CACNB2: variants seen among roughly 807,000 people sequenced by gnomAD.
CACNB2 encodes the protein calcium voltage-gated channel auxiliary subunit beta 2, also known as voltage-dependent L-type calcium channel subunit beta-2.
Under a neutral mutation model 73.3 loss-of-function variants are expected in CACNB2, and 42 were observed. The observed-to-expected ratio is 0.57, with a 90% CI of 0.45 to 0.74. The LOEUF is 0.74. Ranked by LOEUF, CACNB2 falls within the 30% of genes least tolerant of loss-of-function variation. CACNB2 has a pLI of 0.00. For missense variants in CACNB2, 940 were observed against 853.0 expected (o/e 1.10, Z -1.27); for synonymous variants, 348 against 310.3 (o/e 1.12, Z -1.28).
intron 2 of CACNB2, among the ~76,000 whole-genome samples, chr10:18,197,785 A>G (rs200471416): frequency 6.6e-6 from 1 of 152,072 alleles, no homozygotes; most frequent in Non-Finnish European, 1.5e-5. Flanking sequence ...AGTCAGATCA[A>G]CGTCTCCTGG....
chr10:18,356,719 C>G (rs1259028255), intron 2 of CACNB2, among the ~76,000 whole-genome samples: 2 of 151,960 alleles, frequency 1.3e-5, no homozygotes, highest in African/African-American at 4.8e-5. Context: ...CAGCCTTGAC[C>G]TCGAGGGCTC....
intron 3 of CACNB2, among the ~76,000 whole-genome samples, chr10:18,483,034 A>C (rs1424124566): frequency 6.6e-6 from 1 of 152,170 alleles, no homozygotes; most frequent in African/African-American, 2.4e-5. Flanking sequence ...ACAATTGGTC[A>C]CTAAGCTTTC....
intron 2 of CACNB2, among the ~76,000 whole-genome samples, chr10:18,358,553 GCTCT>G (rs375264403): frequency 2.9e-5 from 1 of 35,044 alleles, no homozygotes. Flanking sequence ...TCTCTCTCTC[GCTCT>G]CTCTCTCTCT....
chr10:18,389,931 T>C (rs1304935899), intron 2 of CACNB2, among the ~76,000 whole-genome samples: 2 of 152,196 alleles, frequency 1.3e-5, no homozygotes, highest in Non-Finnish European at 2.9e-5. Flanking sequence ...CCTTTATTTA[T>C]ATCAATTCAT....
In CACNB2 at chr10:18,500,912, A is replaced by C; in HGVS notation, c.557A>C (p.His186Pro). The C allele has an allele frequency of 1.2e-6, 2 of 1,614,154 alleles. No homozygotes were observed. Among genetic ancestry groups the C allele is most frequent in the Non-Finnish European group, 1.7e-6 (2 of 1,179,998 alleles). ...AAACTAGAAAACATGAGGCTGCAGC[A>C]TGAACAGAGAGCCAAGCAAGGGAAA... Reference protein sequence around the residue: ...PVKLENMRLQHEQRAKQGKFY... With the variant: ...PVKLENMRLQPEQRAKQGKFY... The change falls in exon 5 of 14, where the codon CAT becomes CCT. Residue 186 changes from histidine (H) to proline (P), a missense_variant. Transcript: ENST00000324631.
chr10:18,296,494 A>T (rs1014482883), intron 2 of CACNB2, among the ~76,000 whole-genome samples: 2 of 151,926 alleles, frequency 1.3e-5, no homozygotes, highest in Admixed American at 1.3e-4. Flanking sequence ...ATATAGATAT[A>T]TTTTTTTTAA....
intron 3 of CACNB2, among the ~76,000 whole-genome samples, chr10:18,446,018 G>T (rs2046717136): frequency 6.6e-6 from 1 of 152,144 alleles, no homozygotes; most frequent in South Asian, 2.1e-4. Flanking sequence ...TGGGTGACCA[G>T]AGTGAAGCTC....
intron 2 of CACNB2, among the ~76,000 whole-genome samples, chr10:18,299,692 C>T (rs1212109418): frequency 6.6e-6 from 1 of 152,094 alleles, no homozygotes; most frequent in Non-Finnish European, 1.5e-5. Context: ...GACTGGGTGA[C>T]AGAGTCAGAC....
intron 2 of CACNB2, among the ~76,000 whole-genome samples, chr10:18,154,383 C>T (rs1053552264): frequency 3.3e-5 from 5 of 151,710 alleles, no homozygotes; most frequent in African/African-American, 7.2e-5. Flanking sequence ...TCTTTAGAAG[C>T]GCAGACACCC....
At chr10:18,268,854 A>G (rs2037925364) in intron 2 of CACNB2, among the ~76,000 whole-genome samples, 1 of 152,218 alleles carries the variant, frequency 6.6e-6, no homozygotes, top group South Asian at 2.1e-4. Flanking sequence ...AAAGTAATTC[A>G]TAAATGGAGG....
intron 2 of CACNB2, among the ~76,000 whole-genome samples, chr10:18,301,644 CTT>C (rs377033277): frequency 8.2e-4 from 118 of 143,636 alleles, no homozygotes; most frequent in Non-Finnish European, 8.5e-4. Context: ...GCCTTTCTCT[CTT>C]TTTTTTTTTT....
chr10:18,187,283 G>A (rs1000891996), intron 2 of CACNB2, among the ~76,000 whole-genome samples: 4 of 152,100 alleles, frequency 2.6e-5, no homozygotes, highest in Admixed American at 1.3e-4. Flanking sequence ...GGCACATTCT[G>A]TTATTGGAAT....
chr10:18,161,632 T>C (rs2032469122), intron 2 of CACNB2, among the ~76,000 whole-genome samples: 1 of 150,574 alleles, frequency 6.6e-6, no homozygotes, highest in Non-Finnish European at 1.5e-5. Flanking sequence ...CAAATCTCTT[T>C]TTTTTTTTTT....
chr10:18,399,522 G>A (rs2043883288), intron 2 of CACNB2, among the ~76,000 whole-genome samples: 1 of 151,984 alleles, frequency 6.6e-6, no homozygotes. Flanking sequence ...TGCCAGGTGG[G>A]GAGGGAGGAA....
At chr10:18,451,911 A>C (rs770010703) in intron 3 of CACNB2, among the ~76,000 whole-genome samples, 5 of 152,180 alleles carry the variant, frequency 3.3e-5, no homozygotes, top group Non-Finnish European at 5.9e-5. Context: ...TTGTCTTCAT[A>C]ATCTATTGTG....
intron 3 of CACNB2, among the ~76,000 whole-genome samples, chr10:18,487,728 G>A (rs764793103): frequency 3.9e-5 from 6 of 151,940 alleles, no homozygotes; most frequent in Non-Finnish European, 8.8e-5. Flanking sequence ...CCAGCTACTT[G>A]GGAGGCTGAG....
intron 2 of CACNB2, among the ~76,000 whole-genome samples, chr10:18,309,149 A>T (rs1035145039): frequency 1.3e-5 from 2 of 152,192 alleles, no homozygotes; most frequent in Non-Finnish European, 2.9e-5. Context: ...TAAAATATTG[A>T]ATGGTTATTT....
At chr10:18,249,726 G>A (rs2131547573) in intron 2 of CACNB2, among the ~76,000 whole-genome samples, 1 of 152,254 alleles carries the variant, frequency 6.6e-6, no homozygotes, top group South Asian at 2.1e-4. Flanking sequence ...ACAAAAGCTT[G>A]TGGTTCTCAA....
chr10:18,425,727 A>G (rs1052908147), intron 3 of CACNB2, among the ~76,000 whole-genome samples: 3 of 152,190 alleles, frequency 2.0e-5, no homozygotes, highest in Non-Finnish European at 2.9e-5. Context: ...CCTCATAAAG[A>G]ATTCTTCTAT....
Sources: gnomAD v4.1 joint callset for allele counts (sites outside exome capture counted in the v4.1 genomes callset) on GRCh38, gnomAD v4.1.1 for gene constraint, MANE v1.5 for transcripts, NCBI Gene and HGNC (gene_info 2026-07-23, HGNC 2026-07-21) for gene names.